The following MGAM variants were observed in gnomAD, a reference collection of about 807,000 sequenced individuals.
MGAM encodes the protein alpha-1,4-glucosidase.
MGAM carries 253 observed loss-of-function variants against 358.8 expected under a neutral mutation model. That is an observed-to-expected ratio of 0.71 (90% CI 0.64 to 0.78). The LOEUF (loss-of-function observed/expected upper bound fraction) is 0.78. MGAM is among the 30% of genes least tolerant of loss of function. The pLI is 0.00. For missense variants in MGAM, 3,080 were observed against 3,432.6 expected (o/e 0.90, Z 2.57); for synonymous variants, 1,105 against 1,227.1 (o/e 0.90, Z 2.08).
At chr7:142,001,864 A>G (rs116762010) in intron 1 of MGAM, among the ~76,000 whole-genome samples, 3 of 152,314 alleles carry the variant, frequency 2.0e-5, no homozygotes, top group African/African-American at 7.2e-5. Context: ...TTTGGTAAAT[A>G]ATGAGACCTG....
chr7:142,043,477 A>C (rs1297400270), intron 21 of MGAM, among the ~76,000 whole-genome samples: 1 of 72,726 alleles, frequency 1.4e-5, no homozygotes, highest in Non-Finnish European at 2.4e-5. Flanking sequence ...ATATACATAT[A>C]ATATCTAAAT....
chr7:142,102,591 A>G (rs775206290), intron 68 of MGAM, 39 bp from the exon 69 acceptor site: 6 of 1,592,476 alleles, frequency 3.8e-6, no homozygotes, highest in Non-Finnish European at 5.2e-6. Flanking sequence ...GTTCTACAGC[A>G]CAGGTCCAGG....
Position 142,050,827 on chromosome 7 carries a change from A to G in MGAM, c.2768A>G (p.Gln923Arg). 1.2e-6 allele frequency: 2 copies of G among 1,613,768 alleles called. No individual in the cohort carries two copies. The highest frequency in any genetic ancestry group is 1.7e-6 in the Non-Finnish European group (2 of 1,179,696). ...VTVKHNGVPS[Q>R]TSPTVTYDSN... ...GTGAAACACAATGGTGTCCCAAGTC[A>G]GACTTCTCCTACAGTCACTTATGAT... The change falls in exon 24 of 71, where the codon CAG (glutamine) becomes CGG (arginine). Residue 923 changes from glutamine to arginine, a missense_variant. Gln to Arg is a conservative substitution (Grantham distance 43). Around this residue, in one of 5 missense-constraint regions of MGAM, gnomAD observed 1,816 missense variants for 1,840.5 expected, o/e 0.99. Coordinates refer to ENST00000475668, the MANE Select transcript of MGAM (RefSeq NM_001365693.1).
chr7:142,102,794 C>T, intron 69 of MGAM, 115 bp downstream of exon 69: 1 of 1,049,302 alleles, frequency 9.5e-7, no homozygotes, highest in Non-Finnish European at 1.4e-6. Context: ...CTTGCTAATT[C>T]ACATTCTTCT....
chr7:142,035,027 A>T (rs1554465350), intron 16 of MGAM, among the ~76,000 whole-genome samples, 186 bp downstream of exon 16: 1 of 152,214 alleles, frequency 6.6e-6, no homozygotes, highest in Non-Finnish European at 1.5e-5. Flanking sequence ...GTACTGCCTT[A>T]TGAAGACAGA....
Position 142,027,663 on chromosome 7 carries a change from TCGTTAC to T in MGAM, c.1150_1155del (p.Arg384_Tyr385del). On this transcript the variant is annotated inframe_deletion, in exon 10 of 71. Coordinates refer to ENST00000475668, the MANE Select transcript of MGAM (RefSeq NM_001365693.1). ...ACTGGGCGCTTGGATTTCACCTCAG[TCGTTAC>T]GAATATGGAACCTTAGACAACATGA... is the stretch of plus-strand genomic sequence containing the variant. The T allele has an allele frequency of 6.2e-7, 1 of 1,613,750 alleles. No individual in the cohort carries two copies. The highest frequency in any genetic ancestry group is 8.5e-7 in the Non-Finnish European group (1 of 1,179,736).
chr7:142,011,803 G>A (rs1223180814), intron 3 of MGAM, among the ~76,000 whole-genome samples: 5 of 152,248 alleles, frequency 3.3e-5, no homozygotes, highest in Admixed American at 1.3e-4. Flanking sequence ...TGATTTGGGG[G>A]ACTAGAAAGA....
chr7:142,045,245 A>G (rs1241095300), intron 21 of MGAM, among the ~76,000 whole-genome samples: 1 of 73,624 alleles, frequency 1.4e-5, no homozygotes, highest in Non-Finnish European at 2.6e-5. Flanking sequence ...ATATCATATA[A>G]TATATGATAT....
chr7:142,016,918 T>C (rs1554456413), intron 3 of MGAM, among the ~76,000 whole-genome samples: 1 of 152,184 alleles, frequency 6.6e-6, no homozygotes, highest in Non-Finnish European at 1.5e-5. Flanking sequence ...TTTTCCCCTT[T>C]ACTTTCAGGG....
intron 57 of MGAM, among the ~76,000 whole-genome samples, chr7:142,091,291 C>T (rs1815364554): frequency 7.0e-6 from 1 of 143,478 alleles, no homozygotes; most frequent in Non-Finnish European, 1.6e-5. Flanking sequence ...ACCCATCTTG[C>T]AGGTTAAAAC....
intron 21 of MGAM, among the ~76,000 whole-genome samples, chr7:142,041,950 A>AT (rs1808708848): frequency 1.3e-4 from 1 of 7,930 alleles, no homozygotes; most frequent in Admixed American, 3.1e-3. Flanking sequence ...ATATATATAC[A>AT]TATATATAAT....
chr7:142,076,386 T>C, intron 46 of MGAM, 134 bp downstream of exon 46: 1 of 1,005,452 alleles, frequency 9.9e-7, no homozygotes, highest in East Asian at 2.4e-5. Context: ...CATTTCTATT[T>C]ATGATTTCAT....
intron 7 of MGAM, among the ~76,000 whole-genome samples, chr7:142,023,462 T>C (rs1369894268): frequency 6.6e-6 from 1 of 151,550 alleles, no homozygotes; most frequent in African/African-American, 2.4e-5. Flanking sequence ...CACACACACA[T>C]ACATGTTTGT....
At chr7:142,039,622 T>G (rs1808328384) in intron 19 of MGAM, among the ~76,000 whole-genome samples, 1 of 152,118 alleles carries the variant, frequency 6.6e-6, no homozygotes, top group Non-Finnish European at 1.5e-5. Context: ...TGTTGGATTC[T>G]CATAGCAGAT....
intron 7 of MGAM, among the ~76,000 whole-genome samples, chr7:142,024,211 A>G (rs1030127239): frequency 6.6e-6 from 1 of 152,044 alleles, no homozygotes; most frequent in Non-Finnish European, 1.5e-5. Context: ...CCTGGGTGAC[A>G]GAGTGAGACT....
chr7:141,999,743 TA>T (rs1345715299), intron 1 of MGAM, among the ~76,000 whole-genome samples: 1 of 152,200 alleles, frequency 6.6e-6, no homozygotes, highest in Non-Finnish European at 1.5e-5. Context: ...AAAACATTTT[TA>T]AAAGCCCTTA....
rs776677607 is a variant in MGAM at position 142,080,900 on chromosome 7, A to T, written c.5957A>T (p.Asn1986Ile). ...GQLYDVLIKK[N>I]PFGIEIRRKS... is the part of the protein sequence containing the mutation. ...CTCTATGATGTCCTCATTAAGAAGAATCCATTTGGGATTGAAATTCGCCGG... is the reference window on the plus strand; with the variant it reads ...CTCTATGATGTCCTCATTAAGAAGATTCCATTTGGGATTGAAATTCGCCGG... Residue 1986 changes from asparagine (N) to isoleucine (I), a missense_variant, in exon 50 of 71, where the codon AAT (asparagine) becomes ATT (isoleucine). Physicochemically the swap from Asn to Ile is moderately radical, Grantham distance 149. This residue lies in a region of MGAM where 932 missense variants were observed against 1,198.2 expected (regional missense o/e 0.78). Coordinates refer to ENST00000475668, the MANE Select transcript of MGAM (RefSeq NM_001365693.1). The T allele has an allele frequency of 5.1e-6, 8 of 1,556,444 alleles. 1 individual carries two copies. The South Asian group carries it at 5.6e-5, about 11-fold the overall frequency.
Position 142,076,773 on chromosome 7 carries a change from A to C in MGAM, c.5440A>C (p.Asn1814His). The C allele has an allele frequency of 6.4e-7, 1 of 1,555,486 alleles. No homozygotes were observed. Among genetic ancestry groups the C allele is most frequent in the East Asian group, 2.3e-5 (1 of 43,938 alleles). ...ACCTAGCAATGTTACGGTGAAACAC[A>C]ATGGTGTCCCAAGTCAGACTTCTCC... ...EEPSNVTVKH[N>H]GVPSQTSPTV... The change falls in exon 47 of 71, where the codon AAT becomes CAT. Residue 1814 changes from asparagine (N) to histidine (H), a missense_variant. Asn to His is a moderately conservative substitution (Grantham distance 68). Coordinates refer to ENST00000475668, the MANE Select transcript of MGAM (RefSeq NM_001365693.1).
At chr7:142,054,431 T>A (rs1389760885) in intron 26 of MGAM, among the ~76,000 whole-genome samples, 1 of 152,138 alleles carries the variant, frequency 6.6e-6, no homozygotes, top group East Asian at 1.9e-4. Flanking sequence ...ATAATGATTT[T>A]AAGTTATTTA....
Sources: gnomAD v4.1 joint callset for allele counts (sites outside exome capture counted in the v4.1 genomes callset) on GRCh38, gnomAD v4.1.1 for gene constraint, gnomAD v4.1.1 regional missense constraint, MANE v1.5 for transcripts, NCBI Gene and HGNC (gene_info 2026-07-23, HGNC 2026-07-21) for gene names.